NAMPT: variants seen among roughly 807,000 people sequenced by gnomAD.
NAMPT encodes the protein NAmPRTase.
Under a neutral mutation model 58.7 loss-of-function variants are expected in NAMPT, and 7 were observed. The observed-to-expected ratio is 0.12, with a 90% confidence interval of 0.07 to 0.22. The LOEUF (loss-of-function observed/expected upper bound fraction) is 0.22, where lower values mean the gene tolerates loss of function less well. NAMPT is among the 10% of genes least tolerant of loss of function. NAMPT has a pLI of 1.00. For synonymous variants in NAMPT, 145 were observed against 198.1 expected, an observed-to-expected ratio of 0.73 and a Z score of 2.25; for missense variants, 271 against 567.9, an observed-to-expected ratio of 0.48 and a Z score of 5.31.
intron 4 of NAMPT, among the ~76,000 whole-genome samples, chr7:106,271,351 G>C (rs1252436112): frequency 6.6e-6 from 1 of 151,932 alleles, no homozygotes; most frequent in Non-Finnish European, 1.5e-5. Context: ...GATTCCTTTA[G>C]ACAGAATTAC....
chr7:106,272,963 C>T (rs1792564959), intron 3 of NAMPT, among the ~76,000 whole-genome samples: 1 of 152,160 alleles, frequency 6.6e-6, no homozygotes. Context: ...TTGCTTCTTC[C>T]CTGCTTTTTC....
intron 2 of NAMPT, 36 bp downstream of exon 2, chr7:106,276,987 T>C: frequency 6.7e-7 from 1 of 1,481,598 alleles, no homozygotes; most frequent in Non-Finnish European, 9.4e-7. Context: ...TTAAGAGTAA[T>C]AAGCAGTGTT....
chr7:106,265,088 A>C (rs1422085164), intron 6 of NAMPT, among the ~76,000 whole-genome samples: 1 of 152,152 alleles, frequency 6.6e-6, no homozygotes, highest in Non-Finnish European at 1.5e-5. Context: ...TCAATTCTCT[A>C]CTTCATGCAT....
At chr7:106,255,590 A>G (rs1227973630) in intron 8 of NAMPT, among the ~76,000 whole-genome samples, 2 of 152,226 alleles carry the variant, frequency 1.3e-5, no homozygotes, top group African/African-American at 4.8e-5. Context: ...TACATTTAGA[A>G]ATGCAACTTT....
intron 4 of NAMPT, among the ~76,000 whole-genome samples, chr7:106,271,582 T>C (rs1792534116): frequency 6.6e-6 from 1 of 152,202 alleles, no homozygotes; most frequent in Admixed American, 6.5e-5. Context: ...TTAAAACCTT[T>C]ATTTAACTGT....
At chr7:106,261,274 C>A in intron 8 of NAMPT, among the ~76,000 whole-genome samples, 1 of 152,110 alleles carries the variant, frequency 6.6e-6, no homozygotes, top group East Asian at 1.9e-4. Context: ...CAGACCTATG[C>A]CAGCAGAGTC....
intron 4 of NAMPT, chr7:106,270,466 T>C (rs2115791143): frequency 4.6e-6 from 1 of 215,132 alleles, no homozygotes; most frequent in Non-Finnish European, 1.1e-5. Context: ...AAAAAACTAC[T>C]TTGTAGCATT....
chr7:106,276,594 G>C (rs1792649233), intron 2 of NAMPT: 3 of 162,228 alleles, frequency 1.8e-5, no homozygotes, highest in African/African-American at 7.2e-5. Context: ...TGTAATCACA[G>C]CACTTTGGTG....
At chr7:106,280,729 C>A (rs997360473) in intron 1 of NAMPT, among the ~76,000 whole-genome samples, 2 of 151,992 alleles carry the variant, frequency 1.3e-5, no homozygotes, top group Non-Finnish European at 2.9e-5. Flanking sequence ...ATCACGAGGT[C>A]GGGAGATGGA....
chr7:106,251,543 A>T (rs948985169), intron 10 of NAMPT, among the ~76,000 whole-genome samples: 1 of 152,100 alleles, frequency 6.6e-6, no homozygotes, highest in Non-Finnish European at 1.5e-5. Flanking sequence ...AACTGTAATC[A>T]TTGTGAGTGT....
intron 1 of NAMPT, among the ~76,000 whole-genome samples, chr7:106,279,994 A>T (rs551704932): frequency 1.3e-5 from 2 of 152,298 alleles, no homozygotes; most frequent in East Asian, 3.9e-4. Context: ...GGTCAGAGGT[A>T]GGCAGAAATG....
At chr7:106,277,221 T>C (rs1019779026) in intron 1 of NAMPT, 42 bp from the exon 2 acceptor site, 2 of 1,500,206 alleles carry the variant, frequency 1.3e-6, no homozygotes, top group South Asian at 1.2e-5. Context: ...CACCGATGAG[T>C]AGACTATAAA....
chr7:106,274,215 A>ACTCACAGCATCTATTTT (rs1268626057), intron 3 of NAMPT, among the ~76,000 whole-genome samples: 1 of 151,698 alleles, frequency 6.6e-6, no homozygotes, highest in Non-Finnish European at 1.5e-5. Context: ...GTAGTGATAG[A>ACTCACAGCATCTATTTT]CTCACAGCAT....
Position 106,248,320 on chromosome 7 carries a change from C to T in NAMPT, c.*2763G>A, listed in dbSNP as rs898047117. Reference sequence around the variant, plus strand: ...CACTAATAGAGCTAAACTTTATTTCCATGTTTATTACATGTTTATAACTTG... The same window carrying T: ...CACTAATAGAGCTAAACTTTATTTCTATGTTTATTACATGTTTATAACTTG... On this transcript the variant is annotated 3_prime_UTR_variant, in exon 11 of 11. Coordinates refer to ENST00000222553, the MANE Select transcript of NAMPT (RefSeq NM_005746.3). 3 of 152,484 alleles carry T rather than the reference C, an allele frequency of 2.0e-5. No individual in the cohort carries two copies. Among genetic ancestry groups the T allele is most frequent in the Admixed American group, 1.3e-4 (2 of 15,236 alleles). 9.4% of individuals were successfully genotyped at this position (152,484 alleles called of 1,614,324 possible).
chr7:106,285,127 C>T, upstream of NAMPT: 3 of 1,305,560 alleles, frequency 2.3e-6, no homozygotes, highest in Middle Eastern at 3.0e-4. Context: ...GCGGACTCCC[C>T]ACCTCGGTTC....
At chr7:106,257,905 GTGTC>G (rs924317494) in intron 8 of NAMPT, among the ~76,000 whole-genome samples, 5 of 151,954 alleles carry the variant, frequency 3.3e-5, no homozygotes, top group Middle Eastern at 3.2e-3. Context: ...GTGTGTGTGT[GTGTC>G]TGTGTATACA....
chr7:106,272,235 CTAAAA>C (rs1792549545), intron 4 of NAMPT: 3 of 279,004 alleles, frequency 1.1e-5, no homozygotes, highest in Non-Finnish European at 2.2e-5. Context: ...TAAGTTTGCT[CTAAAA>C]TAATACACAC....
Position 106,260,810 on chromosome 7 carries a change from T to C in NAMPT, c.1089+778A>G, listed in dbSNP as rs182807446. ...GCAGAGAAAGGGAATGGGTAACTGG[T>C]GAAGGAGTCACAACACACACAGTAT... is the stretch of plus-strand genomic sequence containing the variant. On this transcript the variant is annotated intron_variant, in intron 8 of 10. Coordinates refer to ENST00000222553, the MANE Select transcript of NAMPT (RefSeq NM_005746.3). 1.5e-3 allele frequency among the ~76,000 whole-genome samples: 235 copies of C among 152,272 alleles called. 1 individual carries two copies. The highest frequency in any genetic ancestry group is 5.5e-3 in the African/African-American group (228 of 41,546).
rs763671250 is a variant in NAMPT at position 106,251,245 on chromosome 7, G to A, written c.1366-52C>T. 4.2e-6 allele frequency: 5 copies of A among 1,193,844 alleles called. No individual in the cohort carries two copies. The Admixed American group carries it at 8.6e-5, about 20-fold the overall frequency. The allele number at this position is 1,193,844 out of a possible 1,614,324, so 74.0% of individuals were successfully genotyped here. A position where few individuals can be genotyped will look rare whatever the true frequency, so the allele number is the denominator to read the frequency against. On this transcript the variant is annotated intron_variant, in intron 10 of 10. Transcript: ENST00000222553. ...TATTACATTATTAAGCAAAATACCT[G>A]AATCCTGGTTTGATGAATTAGACTA... is the stretch of plus-strand genomic sequence containing the variant.
Sources: gnomAD v4.1 joint callset for allele counts (sites outside exome capture counted in the v4.1 genomes callset) on GRCh38, gnomAD v4.1.1 for gene constraint, MANE v1.5 for transcripts, NCBI Gene and HGNC (gene_info 2026-07-23, HGNC 2026-07-21) for gene names.